The following TENM2 variants were observed in gnomAD, a reference collection of about 807,000 sequenced individuals.
TENM2 encodes teneurin transmembrane protein 2.
In TENM2, 52 loss-of-function variants were observed where a neutral mutation model predicts 245.2. That is an observed-to-expected ratio of 0.21 (90% confidence interval 0.17 to 0.27). TENM2 has a LOEUF of 0.27. Ranked by LOEUF, TENM2 falls within the 10% of genes least tolerant of loss-of-function variation. The pLI, the probability that TENM2 is intolerant of heterozygous loss-of-function variation, is 1.00. For missense variants in TENM2, 3,046 were observed against 3,666.8 expected (o/e 0.83, Z 4.37); for synonymous variants, 1,363 against 1,438.9 (o/e 0.95, Z 1.19).
chr5:167,377,264 C>T (rs572158684), intron 2 of TENM2, among the ~76,000 whole-genome samples: 8 of 152,096 alleles, frequency 5.3e-5, no homozygotes, highest in East Asian at 3.9e-4. Flanking sequence ...TTACTTTCTG[C>T]GAGTCTATGT....
intron 2 of TENM2, among the ~76,000 whole-genome samples, chr5:167,562,916 C>G (rs546590028): frequency 6.7e-6 from 1 of 149,238 alleles, no homozygotes; most frequent in African/African-American, 2.5e-5. Context: ...GAGATCGCAC[C>G]ACTGCACTCC....
Position 168,244,604 on chromosome 5 carries a change from C to A in TENM2, c.5705C>A (p.Ala1902Asp), listed in dbSNP as rs1379623149. The change falls in exon 26 of 29, where the codon GCT (alanine) becomes GAT (aspartate). Residue 1902 changes from alanine to aspartate, a missense_variant. Physicochemically the swap from Ala to Asp is moderately radical, Grantham distance 126. Coordinates refer to ENST00000518659, the Ensembl canonical transcript of TENM2. This position sits in a 1 kb window ranked among gnomAD's most constrained non-coding sequence, Gnocchi z 4.9. ...TCATACTTCTTCAATGGGCGCCTGG[C>A]TGGGCTTCAGCGTGGGGCCATGAGC... The A allele has an allele frequency of 6.2e-7, 1 of 1,605,982 alleles. No homozygotes were observed. The highest frequency in any genetic ancestry group is 1.3e-5 in the African/African-American group (1 of 74,908).
the TENM2 span, among the ~76,000 whole-genome samples, chr5:167,256,858 G>C: frequency 1.7e-4 from 26 of 152,192 alleles, no homozygotes; most frequent in African/African-American, 6.3e-4. Context: ...AGAGAAAGTG[G>C]GGTAGCTACT....
At chr5:167,590,154 C>T (rs1775780911) in intron 2 of TENM2, among the ~76,000 whole-genome samples, 1 of 151,758 alleles carries the variant, frequency 6.6e-6, no homozygotes, top group African/African-American at 2.4e-5. Flanking sequence ...ATATAAGAAA[C>T]TTCTGCTTGT....
chr5:168,118,466 A>G (rs1402901325), exon 10 of TENM2: 1 of 1,576,536 alleles, frequency 6.3e-7, no homozygotes, highest in Non-Finnish European at 8.7e-7. Context: ...GCTGGCTACA[A>G]AGGCGAGCAC....
chr5:167,170,971 T>A, the TENM2 span, among the ~76,000 whole-genome samples: 1 of 152,340 alleles, frequency 6.6e-6, no homozygotes, highest in South Asian at 2.1e-4. Context: ...GGTTTCTCCT[T>A]CTCAGTATCC....
chr5:167,703,530 C>CAAAA (rs747603141), intron 2 of TENM2, among the ~76,000 whole-genome samples: 1,646 of 97,048 alleles, frequency 0.017, 66 homozygotes, highest in African/African-American at 0.042. Flanking sequence ...GAAACCATCT[C>CAAAA]AAAAAAAAAA....
intron 3 of TENM2, among the ~76,000 whole-genome samples, chr5:167,949,311 A>C (rs1414636087): frequency 1.3e-5 from 2 of 152,056 alleles, no homozygotes; most frequent in Non-Finnish European, 2.9e-5. Context: ...CTTTCAAGAG[A>C]AGTCAGAAAT....
chr5:167,648,974 T>C (rs1416023782), intron 2 of TENM2, among the ~76,000 whole-genome samples: 2 of 152,228 alleles, frequency 1.3e-5, no homozygotes, highest in East Asian at 3.9e-4. Flanking sequence ...GGTACCATCC[T>C]GATGCAGCAG....
intron 7 of TENM2, among the ~76,000 whole-genome samples, chr5:168,073,896 A>G (rs1162737446): frequency 6.6e-6 from 1 of 152,188 alleles, no homozygotes; most frequent in African/African-American, 2.4e-5. Context: ...CTGAGCACCT[A>G]TATGCGACAT....
At chr5:167,645,952 T>A (rs1436936278) in intron 2 of TENM2, among the ~76,000 whole-genome samples, 1 of 151,696 alleles carries the variant, frequency 6.6e-6, no homozygotes, top group Non-Finnish European at 1.5e-5. Context: ...TGTGCTATTA[T>A]TTTTCTTATA....
chr5:167,464,241 C>A (rs2127497723), intron 2 of TENM2, among the ~76,000 whole-genome samples: 1 of 152,114 alleles, frequency 6.6e-6, no homozygotes, highest in African/African-American at 2.4e-5. Flanking sequence ...AGAAAAGATG[C>A]TTTAGAGAGA....
At chr5:167,770,443 T>C (rs1763328454) in intron 2 of TENM2, among the ~76,000 whole-genome samples, 1 of 152,160 alleles carries the variant, frequency 6.6e-6, no homozygotes, top group Non-Finnish European at 1.5e-5. Context: ...CTAAGCAATG[T>C]TAGGAGCTTT....
At chr5:167,462,073 A>C (rs4868797) in intron 2 of TENM2, among the ~76,000 whole-genome samples, 65,898 of 151,532 alleles carry the variant, frequency 0.43, 14,651 homozygotes, top group Middle Eastern at 0.52. Context: ...TCAGTTTTAC[A>C]TGCACATACA....
intron 2 of TENM2, among the ~76,000 whole-genome samples, chr5:167,472,303 T>C (rs975921728): frequency 1.3e-5 from 2 of 152,220 alleles, no homozygotes; most frequent in Non-Finnish European, 2.9e-5. Flanking sequence ...TTCCCTTTTA[T>C]ACCCATTATT....
chr5:167,710,640 A>G (rs1758848316), intron 2 of TENM2, among the ~76,000 whole-genome samples: 1 of 152,212 alleles, frequency 6.6e-6, no homozygotes, highest in African/African-American at 2.4e-5. Flanking sequence ...ATTAGGAAGT[A>G]AAACTAGGAA....
At chr5:167,525,022 A>C (rs1173934118) in intron 2 of TENM2, among the ~76,000 whole-genome samples, 1 of 151,980 alleles carries the variant, frequency 6.6e-6, no homozygotes, top group Non-Finnish European at 1.5e-5. Flanking sequence ...GGTGCTGTTA[A>C]CAAGAATCAT....
At chr5:167,657,622 G>A (rs1198466429) in intron 2 of TENM2, among the ~76,000 whole-genome samples, 4 of 152,136 alleles carry the variant, frequency 2.6e-5, no homozygotes, top group South Asian at 2.1e-4. Flanking sequence ...GAGCAGAGGT[G>A]GGCCAACGTT....
the TENM2 span, among the ~76,000 whole-genome samples, chr5:167,235,062 A>C: frequency 6.6e-6 from 1 of 152,188 alleles, no homozygotes; most frequent in Non-Finnish European, 1.5e-5. Context: ...ATTTCCTTGC[A>C]GTTCCAGAAG....
Sources: gnomAD v4.1 joint callset for allele counts (sites outside exome capture counted in the v4.1 genomes callset) on GRCh38, gnomAD v4.1.1 for gene constraint, Gnocchi (gnomAD v3.1) non-coding constraint, MANE v1.5 for transcripts, NCBI Gene and HGNC (gene_info 2026-07-23, HGNC 2026-07-21) for gene names.